ARF4: variants seen among roughly 807,000 people sequenced by gnomAD.
ARF4 encodes ARF GTPase 4.
Under a neutral mutation model 24.3 loss-of-function variants are expected in ARF4, and 5 were observed. The observed-to-expected ratio is 0.21, with a 90% confidence interval of 0.11 to 0.43. ARF4 has a LOEUF of 0.43. ARF4 is among the 20% of genes least tolerant of loss of function. ARF4 has a pLI of 1.00. For missense variants in ARF4, 107 were observed against 213.0 expected (o/e 0.50, Z 3.10); for synonymous variants, 62 against 73.5 (o/e 0.84, Z 0.80).
intron 3 of ARF4, among the ~76,000 whole-genome samples, chr3:57,579,098 A>G (rs2069940580): frequency 6.6e-6 from 1 of 151,610 alleles, no homozygotes; most frequent in Admixed American, 6.6e-5. Context: ...GGAGTTCGAG[A>G]TCAGCCTGGT....
chr3:57,590,669 T>C (rs1423596730), intron 1 of ARF4, among the ~76,000 whole-genome samples: 2 of 152,176 alleles, frequency 1.3e-5, no homozygotes, highest in East Asian at 3.8e-4. Flanking sequence ...TAAGTGTGTG[T>C]GTGTACATAT....
Position 57,576,946 on chromosome 3 carries a change from G to T in ARF4, c.330+370C>A, listed in dbSNP as rs530092262. 5.3e-5 allele frequency among the ~76,000 whole-genome samples: 8 copies of T among 151,888 alleles called. No individual in the cohort carries two copies. The East Asian group carries it at 1.4e-3, about 26-fold the overall frequency. On this transcript the variant is annotated intron_variant, in intron 4 of 5. Transcript: ENST00000303436. ...AAACATCTGAACCAAGATTCCTAGG[G>T]TCAAAACCACTACAGCACTATAGAT...
intron 1 of ARF4, among the ~76,000 whole-genome samples, chr3:57,594,820 T>C (rs2070161587): frequency 6.6e-6 from 1 of 152,228 alleles, no homozygotes; most frequent in South Asian, 2.1e-4. Flanking sequence ...TCTATTATTT[T>C]TGCTGTCAGT....
At chr3:57,579,579 C>T (rs112401737) in intron 3 of ARF4, among the ~76,000 whole-genome samples, 9 of 152,236 alleles carry the variant, frequency 5.9e-5, no homozygotes, top group African/African-American at 1.4e-4. Context: ...TGAGCCACCG[C>T]GCCCAGCCCC....
At chr3:57,574,254 G>A (rs1310749823) in intron 5 of ARF4, among the ~76,000 whole-genome samples, 1 of 151,784 alleles carries the variant, frequency 6.6e-6, no homozygotes, top group Non-Finnish European at 1.5e-5. Context: ...TAGGTTCTTT[G>A]TTGTTTGTTT....
rs750634477 is a variant in ARF4, at chr3:57,577,285, G to A, written c.330+31C>T. 3 of 1,575,650 alleles carry A rather than the reference G, an allele frequency of 1.9e-6. No homozygotes were observed. The African/African-American group carries it at 4.0e-5, about 21-fold the overall frequency. On this transcript the variant is annotated intron_variant, in intron 4 of 5. Transcript: ENST00000303436. ...AGTTTAATCCAGAAAAGCACACCTT[G>A]AAAATGATGAATTTAAAGTATATTT... is the stretch of plus-strand genomic sequence containing the variant.
At chr3:57,584,061 C>G (rs915370671) in intron 2 of ARF4, 54 bp from the exon 3 acceptor site, 2 of 1,224,504 alleles carry the variant, frequency 1.6e-6, no homozygotes, top group African/African-American at 3.1e-5. Context: ...AAAATAAAAC[C>G]TTTTATTGTG....
At chr3:57,590,089 C>CAATAAATA (rs71088095) in intron 1 of ARF4, among the ~76,000 whole-genome samples, 12,433 of 135,052 alleles carry the variant, frequency 0.092, 693 homozygotes, top group Non-Finnish European at 0.11. Flanking sequence ...GACTCTGTCT[C>CAATAAATA]AATAAATAAA....
chr3:57,581,044 A>C (rs900180594), intron 3 of ARF4, among the ~76,000 whole-genome samples: 51 of 152,212 alleles, frequency 3.4e-4, no homozygotes, highest in African/African-American at 1.2e-3. Context: ...AAAAGCTAGG[A>C]TTCTACAGAT....
rs781563079 is a variant in ARF4 at position 57,597,049 on chromosome 3, G to T, written c.67+25C>A. The T allele has an allele frequency of 5.0e-6, 8 of 1,611,702 alleles. No homozygotes were observed. In the East Asian group the frequency reaches 1.6e-4, roughly 31 times the overall value. On this transcript the variant is annotated intron_variant, in intron 1 of 5. Transcript: ENST00000303436. ...GGAGACCCTGCCTTTCCCAGGTCCC[G>T]CCTGACTCGCAGCCCCTCACTCACC...
intron 3 of ARF4, among the ~76,000 whole-genome samples, chr3:57,580,750 G>T (rs2069960443): frequency 6.7e-6 from 1 of 149,888 alleles, no homozygotes; most frequent in Non-Finnish European, 1.5e-5. Context: ...ATTTTATTTT[G>T]ACTGCTAACT....
chr3:57,581,860 G>A (rs1044043397), intron 3 of ARF4, among the ~76,000 whole-genome samples: 1 of 152,174 alleles, frequency 6.6e-6, no homozygotes, highest in African/African-American at 2.4e-5. Context: ...ACACAGCACT[G>A]CTTATATCCT....
intron 1 of ARF4, among the ~76,000 whole-genome samples, chr3:57,587,552 T>C (rs2070054465): frequency 6.6e-6 from 1 of 152,098 alleles, no homozygotes; most frequent in Non-Finnish European, 1.5e-5. Context: ...CATGTATTAC[T>C]TTTATGAAAA....
At chr3:57,584,767 G>A (rs1347498480) in intron 1 of ARF4, among the ~76,000 whole-genome samples, 1 of 151,536 alleles carries the variant, frequency 6.6e-6, no homozygotes, top group Non-Finnish European at 1.5e-5. Flanking sequence ...AGGACACTGA[G>A]ACCAGAGAAA....
chr3:57,573,616 T>A (rs571229221), intron 5 of ARF4, among the ~76,000 whole-genome samples: 2 of 152,328 alleles, frequency 1.3e-5, no homozygotes, highest in East Asian at 3.9e-4. Flanking sequence ...GAGTACTCAC[T>A]CTTGCCCAGA....
intron 5 of ARF4, among the ~76,000 whole-genome samples, chr3:57,573,650 G>A (rs749209100): frequency 2.0e-5 from 3 of 152,002 alleles, no homozygotes; most frequent in African/African-American, 7.3e-5. Flanking sequence ...GCGTGATCTC[G>A]GCTCACTACA....
chr3:57,575,751 C>T, intron 4 of ARF4, 78 bp from the exon 5 acceptor site: 1 of 1,423,724 alleles, frequency 7.0e-7, no homozygotes, highest in South Asian at 1.4e-5. Context: ...ATATACTTTA[C>T]TCAGCATTAA....
intron 5 of ARF4, among the ~76,000 whole-genome samples, chr3:57,574,572 G>A (rs1255509854): frequency 6.6e-6 from 1 of 152,062 alleles, no homozygotes; most frequent in Non-Finnish European, 1.5e-5. Flanking sequence ...ACCACACCCA[G>A]CTAATTTTTA....
At chr3:57,592,715 T>TAAAAAAAGGCAAAAAAAA (rs1253286551) in intron 1 of ARF4, among the ~76,000 whole-genome samples, 8 of 152,212 alleles carry the variant, frequency 5.3e-5, no homozygotes, top group South Asian at 2.1e-4. Flanking sequence ...TATCAGCCAG[T>TAAAAAAAGGCAAAAAAAA]GGCATGAAAC....
Sources: gnomAD v4.1 joint callset for allele counts (sites outside exome capture counted in the v4.1 genomes callset) on GRCh38, gnomAD v4.1.1 for gene constraint, MANE v1.5 for transcripts, NCBI Gene and HGNC (gene_info 2026-07-23, HGNC 2026-07-21) for gene names.